Variants in LRP8 observed in about 807,000 individuals in gnomAD.
LRP8 encodes the protein low-density lipoprotein receptor-related protein 8.
Under a neutral mutation model 111.6 loss-of-function variants are expected in LRP8, and 46 were observed. That is an observed-to-expected ratio of 0.41 (90% CI 0.33 to 0.53). The LOEUF is 0.53. Among genes scored for constraint, LRP8 ranks in the 20% least tolerant of loss-of-function variants. The pLI, the probability that LRP8 is intolerant of heterozygous loss-of-function variation, is 0.20. For synonymous variants in LRP8, 464 were observed against 511.2 expected (o/e 0.91, Z 1.24); for missense variants, 959 against 1,297.4 (o/e 0.74, Z 4.01).
chr1:53,250,909 A>C lies in LRP8; in HGVS notation c.2504-47T>G. ...CTGGACCTCCAGCAGGCTCCAACCC[A>C]CTGCTCAGACATCTGTACAAGGCTT... On this transcript the variant is annotated intron_variant, in intron 16 of 18. Coordinates refer to ENST00000306052, the MANE Select transcript of LRP8 (RefSeq NM_004631.5). This position sits in a 1 kb window ranked among gnomAD's most constrained non-coding sequence, Gnocchi z 4.6. 1 of 1,536,940 alleles carries C rather than the reference A, an allele frequency of 6.5e-7. No individual in the cohort carries two copies. Among genetic ancestry groups the C allele is most frequent in the Non-Finnish European group, 9.0e-7 (1 of 1,110,786 alleles).
chr1:53,291,284 C>A (rs1256288082), intron 2 of LRP8, among the ~76,000 whole-genome samples: 1 of 152,072 alleles, frequency 6.6e-6, no homozygotes, highest in African/African-American at 2.4e-5. Context: ...TTACCCCAGG[C>A]CTTGGGGCGC....
chr1:53,300,756 C>T lies in LRP8; in HGVS notation c.245-11067G>A, dbSNP rs11800185. ...AAGCTGGGCCCTCGGTGTGAGAAAG[C>T]CCTTCACAGGGCTTCTCTGGGGAGT... On this transcript the variant is annotated intron_variant, in intron 2 of 18. Coordinates refer to ENST00000306052, the MANE Select transcript of LRP8 (RefSeq NM_004631.5). Among the ~76,000 whole-genome samples, 841 of 152,308 alleles carry T rather than the reference C, an allele frequency of 5.5e-3. 7 individuals carry two copies. Among genetic ancestry groups the T allele is most frequent in the African/African-American group, 0.019 (807 of 41,558 alleles).
At chr1:53,292,753 G>A (rs1239465103) in intron 2 of LRP8, among the ~76,000 whole-genome samples, 1 of 152,216 alleles carries the variant, frequency 6.6e-6, no homozygotes, top group Non-Finnish European at 1.5e-5. Context: ...GACATATGAG[G>A]AAATCCAGAC....
chr1:53,287,239 A>G (rs1317441681), intron 3 of LRP8, among the ~76,000 whole-genome samples: 1 of 152,242 alleles, frequency 6.6e-6, no homozygotes, highest in Admixed American at 6.5e-5. Context: ...GCCTGCTATC[A>G]GGTCCTGCTG....
chr1:53,246,735 G>A lies in LRP8; in HGVS notation c.*283C>T, dbSNP rs1645738491. On this transcript the variant is annotated 3_prime_UTR_variant, in exon 19 of 19. Coordinates refer to ENST00000306052, the MANE Select transcript of LRP8 (RefSeq NM_004631.5). ...GCCCCCATTTGGTTATGTGCATCAT[G>A]TTAGTCAGCAGTAGCCATTCCACGA... 2 of 417,304 alleles carry A rather than the reference G, an allele frequency of 4.8e-6. No homozygotes were observed. The highest frequency in any genetic ancestry group is 8.5e-6 in the Non-Finnish European group (2 of 235,400). The allele number at this position is 417,304 out of a possible 1,614,324, so 25.9% of individuals were successfully genotyped here.
chr1:53,259,088 G>A (rs1425155545), intron 13 of LRP8, among the ~76,000 whole-genome samples: 1 of 152,124 alleles, frequency 6.6e-6, no homozygotes, highest in Non-Finnish European at 1.5e-5. Context: ...CTGCAATTGT[G>A]AAGCCCTTCT....
chr1:53,257,205 C>A, intron 15 of LRP8, 35 bp downstream of exon 15: 1 of 1,604,412 alleles, frequency 6.2e-7, no homozygotes, highest in South Asian at 1.1e-5. Flanking sequence ...GGAGCCCTCC[C>A]ATGTCATGAA....
At position 53,264,587 on chromosome 1, in the gene LRP8, C is replaced by G. The variant is rs72895333; in HGVS notation, c.1428-191G>C. 8.5e-3 allele frequency among the ~76,000 whole-genome samples: 1,296 copies of G among 152,292 alleles called. 14 individuals are homozygous for G. The highest frequency in any genetic ancestry group is 0.029 in the African/African-American group (1,209 of 41,548). ...GGTACAGACTTACATGGGCCACGGT[C>G]TCTGGCTTTCTAAGGTGGGGCTGCT... On this transcript the variant is annotated intron_variant, in intron 9 of 18. Coordinates refer to ENST00000306052, the MANE Select transcript of LRP8 (RefSeq NM_004631.5).
At chr1:53,263,609 G>A (rs1646431202) in intron 10 of LRP8, among the ~76,000 whole-genome samples, 1 of 152,194 alleles carries the variant, frequency 6.6e-6, no homozygotes, top group Non-Finnish European at 1.5e-5. Context: ...GGGTAGGGAT[G>A]GAGGCAGGCA....
chr1:53,297,748 C>T (rs1279889026), intron 2 of LRP8, among the ~76,000 whole-genome samples: 1 of 152,140 alleles, frequency 6.6e-6, no homozygotes, highest in Non-Finnish European at 1.5e-5. Context: ...TTCTCTCCTC[C>T]AACCCATTCC....
In LRP8 at chr1:53,260,520, T is replaced by G. The variant is rs1191436853; in HGVS notation, c.2000A>C (p.Glu667Ala). Residue 667 changes from glutamate (E) to alanine (A), a missense_variant, in exon 13 of 19, where the codon GAG becomes GCG. Around this residue, in one of 3 missense-constraint regions of LRP8, gnomAD observed 819 missense variants for 1,097.6 expected, o/e 0.75. Coordinates refer to ENST00000306052, the MANE Select transcript of LRP8 (RefSeq NM_004631.5). Reference protein sequence around the residue: ...LNGLEISILAENLNNPHDIVI... With the variant: ...LNGLEISILAANLNNPHDIVI... The stretch of plus-strand genomic sequence containing the variant: ...AATGTCATGTGGGTTGTTGAGGTTC[T>G]CAGCCAGGATGGAGATTTCCAGGCC... 6.2e-7 allele frequency: 1 copy of G among 1,614,220 alleles called. No homozygotes were observed. The highest frequency in any genetic ancestry group is 2.2e-5 in the East Asian group (1 of 44,888).
At position 53,258,368 on chromosome 1, in the gene LRP8, G is replaced by C. The variant is rs1415562923; in HGVS notation, c.2160C>G (p.Ala720=). 1.2e-6 allele frequency: 2 copies of C among 1,614,190 alleles called. No homozygotes were observed. The highest frequency in any genetic ancestry group is 1.1e-5 in the South Asian group (1 of 91,082). Residue 720 remains alanine, a synonymous_variant, in exon 14 of 19, where the codon GCC becomes GCG. Transcript: ENST00000306052. ...GACCCAGCCACATTGTGTCAGGACAGGCACATGTGTACTTGGGAGAGTGGC... is the reference window on the plus strand; with the variant it reads ...GACCCAGCCACATTGTGTCAGGACACGCACATGTGTACTTGGGAGAGTGGC... ...ISSHSPKYTC[A]CPDTMWLGPD... is the part of the protein sequence containing the mutation.
At position 53,264,180 on chromosome 1, in the gene LRP8, G is replaced by T; in HGVS notation, c.1644C>A (p.Asp548Glu). 6.2e-7 allele frequency: 1 copy of T among 1,614,128 alleles called. No homozygotes were observed. Among genetic ancestry groups the T allele is most frequent in the Non-Finnish European group, 8.5e-7 (1 of 1,180,004 alleles). ...NLSEPRAIAV[D>E]PLRGFMYWSD... ...GTTGGGACACTCACCCTCGCAGGGG[G>T]TCAACAGCGATGGCCCGGGGTTCAC... The change falls in exon 10 of 19, where the codon GAC becomes GAA. Residue 548 changes from aspartate to glutamate, a missense_variant. Coordinates refer to ENST00000306052, the MANE Select transcript of LRP8 (RefSeq NM_004631.5).
chr1:53,262,091 G>C lies in LRP8; in HGVS notation c.1891C>G (p.Pro631Ala), dbSNP rs1285652335. Residue 631 changes from proline (P) to alanine (A), a missense_variant, in exon 12 of 19, where the codon CCT becomes GCT. Physicochemically the swap from Pro to Ala is conservative, Grantham distance 27. Transcript: ENST00000306052. The surrounding 1 kb of genome is among the most constrained non-coding windows in gnomAD (Gnocchi z 4.8). ...ACCTCAAACACAGCTATCCCAAAAG[G>C]GTGGCTCAGGAAGTCAGTGGAGGAG... ...LISSTDFLSH[P>A]FGIAVFEDKV... 1 of 1,614,154 alleles carries C rather than the reference G, an allele frequency of 6.2e-7. No individual in the cohort carries two copies. The highest frequency in any genetic ancestry group is 1.3e-5 in the African/African-American group (1 of 75,036).
At chr1:53,248,964 G>C (rs1401936786) in intron 18 of LRP8, among the ~76,000 whole-genome samples, 3 of 152,226 alleles carry the variant, frequency 2.0e-5, no homozygotes, top group African/African-American at 7.2e-5. Context: ...TGAGATCACA[G>C]GGCAGTGGAA....
At chr1:53,280,475 C>T (rs1281490618) in intron 4 of LRP8, 112 bp downstream of exon 4, 31 of 1,405,748 alleles carry the variant, frequency 2.2e-5, no homozygotes, top group Non-Finnish European at 2.4e-5. Flanking sequence ...ATCCTTTCCT[C>T]TCCACCACCA....
intron 5 of LRP8, 147 bp downstream of exon 5, chr1:53,276,545 A>T: frequency 1.8e-6 from 1 of 557,724 alleles, no homozygotes; most frequent in Non-Finnish European, 2.7e-6. Flanking sequence ...AAGTCACCTC[A>T]CTTCTCCCAG....
At chr1:53,321,279 T>C (rs1553197691) in intron 2 of LRP8, among the ~76,000 whole-genome samples, 1 of 152,102 alleles carries the variant, frequency 6.6e-6, no homozygotes, top group Non-Finnish European at 1.5e-5. Flanking sequence ...GGAAGTGGCA[T>C]CCCTGCCAGG....
At chr1:53,295,388 G>GTGGAGT (rs1457006757) in intron 2 of LRP8, among the ~76,000 whole-genome samples, 1 of 152,164 alleles carries the variant, frequency 6.6e-6, no homozygotes, top group African/African-American at 2.4e-5. Flanking sequence ...ATTGACCCTG[G>GTGGAGT]TGGAGTTGTT....
Sources: gnomAD v4.1 joint callset for allele counts (sites outside exome capture counted in the v4.1 genomes callset) on GRCh38, gnomAD v4.1.1 for gene constraint, gnomAD v4.1.1 regional missense constraint, Gnocchi (gnomAD v3.1) non-coding constraint, MANE v1.5 for transcripts, NCBI Gene and HGNC (gene_info 2026-07-23, HGNC 2026-07-21) for gene names.